HS3ST2: variants seen among roughly 807,000 people sequenced by gnomAD.
HS3ST2 encodes the protein heparan sulfate-glucosamine 3-sulfotransferase 2.
Under a neutral mutation model 26.3 loss-of-function variants are expected in HS3ST2, and 17 were observed. The ratio of observed to expected loss-of-function variants is 0.65; its 90% CI spans 0.44 to 0.97. HS3ST2 has a LOEUF of 0.97. HS3ST2 is among the 50% of genes least tolerant of loss of function. HS3ST2 has a pLI of 0.00. For missense variants in HS3ST2, 402 were observed against 501.2 expected (o/e 0.80, Z 1.89); for synonymous variants, 237 against 219.2 (o/e 1.08, Z -0.72).
At chr16:22,894,996 A>G (rs1475052745) in intron 1 of HS3ST2, among the ~76,000 whole-genome samples, 1 of 152,044 alleles carries the variant, frequency 6.6e-6, no homozygotes, top group Admixed American at 6.6e-5. Flanking sequence ...GAGTGGAAGT[A>G]AATGCTGGGT....
At chr16:22,880,597 C>A (rs1162976229) in intron 1 of HS3ST2, among the ~76,000 whole-genome samples, 3 of 152,242 alleles carry the variant, frequency 2.0e-5, no homozygotes, top group African/African-American at 4.8e-5. Flanking sequence ...CTCTAGGAAG[C>A]CTTTTGTGCC....
At chr16:22,883,458 G>A (rs1902019189) in intron 1 of HS3ST2, among the ~76,000 whole-genome samples, 1 of 152,250 alleles carries the variant, frequency 6.6e-6, no homozygotes. Context: ...GCTGTTATGT[G>A]GAAGAGAAAT....
At chr16:22,913,997 G>A (rs1902457790) in intron 1 of HS3ST2, among the ~76,000 whole-genome samples, 1 of 152,130 alleles carries the variant, frequency 6.6e-6, no homozygotes, top group African/African-American at 2.4e-5. Flanking sequence ...AATCAGCCAG[G>A]AGTGGTGGCA....
intron 1 of HS3ST2, among the ~76,000 whole-genome samples, chr16:22,884,129 T>C (rs565832203): frequency 6.6e-6 from 1 of 152,332 alleles, no homozygotes; most frequent in South Asian, 2.1e-4. Context: ...CCACTGGAAT[T>C]CACTTGTAAA....
chr16:22,844,653 T>A (rs532847946), intron 1 of HS3ST2, among the ~76,000 whole-genome samples: 1 of 152,270 alleles, frequency 6.6e-6, no homozygotes, highest in South Asian at 2.1e-4. Flanking sequence ...TGAGTTCTCA[T>A]GAGATCTGGT....
At chr16:22,880,996 C>G (rs1901983202) in intron 1 of HS3ST2, among the ~76,000 whole-genome samples, 1 of 152,224 alleles carries the variant, frequency 6.6e-6, no homozygotes, top group Admixed American at 6.5e-5. Flanking sequence ...GCTGGACTTT[C>G]AAAGTATGTG....
rs142877403 is a variant in HS3ST2, at chr16:22,830,236, A to G, written c.485+15141A>G. 6.3e-3 allele frequency among the ~76,000 whole-genome samples: 957 copies of G among 152,312 alleles called. 13 individuals are homozygous for G. The highest frequency in any genetic ancestry group is 0.022 in the African/African-American group (909 of 41,564). On this transcript the variant is annotated intron_variant, in intron 1 of 1. Transcript: ENST00000261374. Reference sequence around the variant, plus strand: ...ATTCAGAACACCAAGAGAAGAGCCCATACACTTCTCTTGGCATCAGCTACC... The same window carrying G: ...ATTCAGAACACCAAGAGAAGAGCCCGTACACTTCTCTTGGCATCAGCTACC...
chr16:22,816,463 C>T (rs749985237), intron 1 of HS3ST2, among the ~76,000 whole-genome samples: 2 of 152,306 alleles, frequency 1.3e-5, no homozygotes, highest in South Asian at 4.1e-4. Flanking sequence ...ACTCCTGGCT[C>T]GCAATGGTTG....
chr16:22,837,017 A>G (rs1246573050), intron 1 of HS3ST2, among the ~76,000 whole-genome samples: 1 of 151,824 alleles, frequency 6.6e-6, no homozygotes, highest in East Asian at 1.9e-4. Flanking sequence ...TAGGTCATCT[A>G]TGTGTGTGTG....
At chr16:22,909,373 A>G (rs749355953) in intron 1 of HS3ST2, among the ~76,000 whole-genome samples, 1 of 152,258 alleles carries the variant, frequency 6.6e-6, no homozygotes, top group Non-Finnish European at 1.5e-5. Flanking sequence ...AGAAGCTTAA[A>G]AGGGTTGCAG....
chr16:22,912,140 C>A (rs529959489), intron 1 of HS3ST2, among the ~76,000 whole-genome samples: 92 of 152,222 alleles, frequency 6.0e-4, no homozygotes, highest in Non-Finnish European at 1.2e-3. Context: ...ACACAAAAAA[C>A]CCCAAAACAG....
chr16:22,906,168 C>G (rs1468358504), intron 1 of HS3ST2, among the ~76,000 whole-genome samples: 1 of 151,890 alleles, frequency 6.6e-6, no homozygotes, highest in African/African-American at 2.4e-5. Flanking sequence ...GTGAAGAGAT[C>G]GAGACCATCC....
intron 1 of HS3ST2, among the ~76,000 whole-genome samples, chr16:22,875,078 G>A (rs2141194584): frequency 6.6e-6 from 1 of 152,264 alleles, no homozygotes; most frequent in South Asian, 2.1e-4. Flanking sequence ...CAGTGATATT[G>A]TTGATCCTGG....
intron 1 of HS3ST2, among the ~76,000 whole-genome samples, chr16:22,906,354 A>G (rs1284813328): frequency 6.6e-6 from 1 of 150,390 alleles, no homozygotes; most frequent in Non-Finnish European, 1.5e-5. Context: ...CTGGCGACAG[A>G]GCGAGACTCC....
At chr16:22,846,861 G>A (rs1187286589) in intron 1 of HS3ST2, among the ~76,000 whole-genome samples, 1 of 152,208 alleles carries the variant, frequency 6.6e-6, no homozygotes, top group Admixed American at 6.5e-5. Context: ...GCTGGAGACA[G>A]TCTGGATGTC....
At chr16:22,874,213 T>G (rs1232217313) in intron 1 of HS3ST2, among the ~76,000 whole-genome samples, 1 of 152,200 alleles carries the variant, frequency 6.6e-6, no homozygotes, top group Non-Finnish European at 1.5e-5. Context: ...AACTTCTAGT[T>G]GTCAACTGAG....
chr16:22,825,031 G>A (rs137916281), intron 1 of HS3ST2, among the ~76,000 whole-genome samples: 40 of 152,266 alleles, frequency 2.6e-4, no homozygotes, highest in African/African-American at 8.9e-4. Context: ...CGGATTCCAA[G>A]CATGAACTCA....
At chr16:22,888,373 CTTTTTTTTTTTTTTT>C (rs1165585404) in intron 1 of HS3ST2, among the ~76,000 whole-genome samples, 5 of 61,306 alleles carry the variant, frequency 8.2e-5, no homozygotes, top group Non-Finnish European at 1.3e-4. Context: ...TCTGGCTTTT[CTTTTTTTTTTTTTTT>C]TTTTCTTTTT....
intron 1 of HS3ST2, among the ~76,000 whole-genome samples, chr16:22,875,258 A>G (rs1285592381): frequency 6.6e-6 from 1 of 152,156 alleles, no homozygotes; most frequent in Non-Finnish European, 1.5e-5. Context: ...CGTTATGATG[A>G]AAAAGCCAAA....
Sources: allele counts gnomAD v4.1 joint callset (sites outside exome capture counted in the v4.1 genomes callset), GRCh38; gene constraint gnomAD v4.1.1; transcripts MANE v1.5; gene names NCBI Gene and HGNC (gene_info 2026-07-23, HGNC 2026-07-21).